The following SPOCK1 variants were observed in gnomAD, a reference collection of about 807,000 sequenced individuals.
The protein encoded by SPOCK1 is testican-1.
A neutral mutation model predicts 55.3 loss-of-function variants in SPOCK1; 23 were observed. The ratio of observed to expected loss-of-function variants is 0.42; its 90% confidence interval spans 0.30 to 0.59. The LOEUF is 0.59. SPOCK1 is among the 20% of genes least tolerant of loss of function. SPOCK1 has a pLI of 0.22. For synonymous variants in SPOCK1, 226 were observed against 221.0 expected (o/e 1.02, Z -0.20); for missense variants, 499 against 552.5 (o/e 0.90, Z 0.97).
At chr5:137,076,924 T>A (rs977885666) in intron 5 of SPOCK1, among the ~76,000 whole-genome samples, 2 of 151,364 alleles carry the variant, frequency 1.3e-5, no homozygotes, top group Non-Finnish European at 2.9e-5. Flanking sequence ...AAGTAGCAGA[T>A]TTAAAATTTT....
rs564808565 is a variant in SPOCK1, at chr5:137,186,687, G to A, written c.233-45993C>T. 1.9e-3 allele frequency among the ~76,000 whole-genome samples: 296 copies of A among 152,334 alleles called. 1 individual carries two copies. The highest frequency in any genetic ancestry group is 6.7e-3 in the African/African-American group (279 of 41,590). Reference sequence around the variant, plus strand: ...AAGACTTCCAGTCTGTGAGCCAGGTGTTCTCTGCACTCCTTTCAATTATCT... The same window carrying A: ...AAGACTTCCAGTCTGTGAGCCAGGTATTCTCTGCACTCCTTTCAATTATCT... On this transcript the variant is annotated intron_variant, in intron 3 of 10. Coordinates refer to ENST00000394945, the MANE Select transcript of SPOCK1 (RefSeq NM_004598.4).
intron 3 of SPOCK1, among the ~76,000 whole-genome samples, chr5:137,194,853 C>T (rs1444927621): frequency 6.6e-6 from 1 of 152,208 alleles, no homozygotes; most frequent in African/African-American, 2.4e-5. Flanking sequence ...GCTACAAGCC[C>T]ATTTCTGGTC....
chr5:137,153,777 G>C (rs193077574), intron 3 of SPOCK1, among the ~76,000 whole-genome samples: 79 of 152,012 alleles, frequency 5.2e-4, no homozygotes, highest in African/African-American at 1.8e-3. Context: ...AGGATCCCTT[G>C]AGCCCAGGAG....
intron 2 of SPOCK1, among the ~76,000 whole-genome samples, chr5:137,364,446 A>C (rs1263156079): frequency 1.3e-5 from 2 of 152,190 alleles, no homozygotes; most frequent in Non-Finnish European, 2.9e-5. Context: ...AAATGGAGTC[A>C]TTTTTACACA....
chr5:137,347,923 A>G (rs1750595844), intron 2 of SPOCK1, among the ~76,000 whole-genome samples: 1 of 152,136 alleles, frequency 6.6e-6, no homozygotes, highest in South Asian at 2.1e-4. Flanking sequence ...CCTCTTGTAT[A>G]GGAATAGGAA....
At chr5:137,452,167 A>C (rs1753267994) in intron 2 of SPOCK1, among the ~76,000 whole-genome samples, 1 of 152,236 alleles carries the variant, frequency 6.6e-6, no homozygotes, top group African/African-American at 2.4e-5. Context: ...CCATGTAGAA[A>C]ACCTTGAAAG....
At chr5:137,330,892 T>A (rs1014673410) in intron 2 of SPOCK1, among the ~76,000 whole-genome samples, 3 of 152,234 alleles carry the variant, frequency 2.0e-5, no homozygotes, top group African/African-American at 7.2e-5. Flanking sequence ...GTAACTGTGA[T>A]AAGTACTATG....
intron 4 of SPOCK1, among the ~76,000 whole-genome samples, chr5:137,136,986 C>A (rs770814774): frequency 1.3e-5 from 2 of 152,212 alleles, no homozygotes; most frequent in East Asian, 3.9e-4. Context: ...TGCTTGGCCC[C>A]CCACTGAAAT....
intron 6 of SPOCK1, among the ~76,000 whole-genome samples, chr5:137,028,867 G>A (rs1464804078): frequency 1.3e-5 from 2 of 152,178 alleles, no homozygotes; most frequent in Admixed American, 6.5e-5. Context: ...GAAAATGAGA[G>A]CTTGAGAGGC....
intron 2 of SPOCK1, among the ~76,000 whole-genome samples, chr5:137,480,303 TCACACACACACACA>T (rs6149262): frequency 1.5e-4 from 21 of 140,216 alleles, no homozygotes; most frequent in African/African-American, 3.2e-4. Context: ...TTGCTCTCCT[TCACACACACACACA>T]CACACACACA....
chr5:137,037,978 G>A (rs539484886), intron 6 of SPOCK1, among the ~76,000 whole-genome samples: 3 of 152,328 alleles, frequency 2.0e-5, no homozygotes, highest in Admixed American at 1.3e-4. Context: ...TGGGAAACTA[G>A]GTATTAGGGA....
intron 2 of SPOCK1, among the ~76,000 whole-genome samples, chr5:137,357,235 T>C (rs571676558): frequency 6.6e-6 from 1 of 152,250 alleles, no homozygotes; most frequent in African/African-American, 2.4e-5. Flanking sequence ...CCGTGCTAAC[T>C]CCATCCATTC....
chr5:137,431,169 C>T (rs1752736097), intron 2 of SPOCK1, among the ~76,000 whole-genome samples: 1 of 152,176 alleles, frequency 6.6e-6, no homozygotes, highest in Admixed American at 6.5e-5. Flanking sequence ...GCAGCTATAG[C>T]CCTTCAGACT....
intron 2 of SPOCK1, among the ~76,000 whole-genome samples, chr5:137,421,483 G>A (rs1015552987): frequency 3.3e-5 from 5 of 152,196 alleles, no homozygotes; most frequent in Non-Finnish European, 7.4e-5. Context: ...GGGTGCTCCT[G>A]TATTGGGTGC....
At chr5:137,471,444 T>C (rs570576521) in intron 2 of SPOCK1, among the ~76,000 whole-genome samples, 10 of 152,348 alleles carry the variant, frequency 6.6e-5, no homozygotes, top group African/African-American at 2.4e-4. Context: ...ATTCAGTTGC[T>C]GCAAAGGTTA....
At chr5:137,230,757 C>T (rs1756036998) in intron 3 of SPOCK1, among the ~76,000 whole-genome samples, 1 of 147,208 alleles carries the variant, frequency 6.8e-6, no homozygotes, top group Non-Finnish European at 1.5e-5. Flanking sequence ...TTGTTGAGAT[C>T]ATTGTGGATT....
intron 2 of SPOCK1, among the ~76,000 whole-genome samples, chr5:137,268,461 A>G (rs938620205): frequency 2.0e-5 from 3 of 152,220 alleles, no homozygotes; most frequent in Non-Finnish European, 4.4e-5. Context: ...GGAAATTTAA[A>G]ACAGTCTCTC....
intron 3 of SPOCK1, among the ~76,000 whole-genome samples, chr5:137,194,096 T>G (rs550931761): frequency 6.6e-6 from 1 of 152,234 alleles, no homozygotes; most frequent in Admixed American, 6.5e-5. Context: ...ATTGCACACC[T>G]CACTCTGTTG....
At position 137,217,956 on chromosome 5, in the gene SPOCK1, C is replaced by CGG. The variant is rs1561474919; in HGVS notation, c.232+49053_232+49054insCC. ...ACCCAACCTTACCGCATCTATATTT[C>CGG]TACATAGGTATAGATGGTTAGAAGG... On this transcript the variant is annotated intron_variant, in intron 3 of 10. Coordinates refer to ENST00000394945, the MANE Select transcript of SPOCK1 (RefSeq NM_004598.4). 7.4e-3 allele frequency among the ~76,000 whole-genome samples: 1,122 copies of CGG among 152,288 alleles called. 15 individuals carry two copies. Among genetic ancestry groups the CGG allele is most frequent in the African/African-American group, 0.025 (1,045 of 41,554 alleles).
Sources: gnomAD v4.1 joint callset for allele counts (sites outside exome capture counted in the v4.1 genomes callset) on GRCh38, gnomAD v4.1.1 for gene constraint, MANE v1.5 for transcripts, NCBI Gene and HGNC (gene_info 2026-07-23, HGNC 2026-07-21) for gene names.